DCP1B: variants seen among roughly 807,000 people sequenced by gnomAD.
The protein encoded by DCP1B is mRNA-decapping enzyme 1B.
A neutral mutation model predicts 60.5 loss-of-function variants in DCP1B; 47 were observed. The ratio of observed to expected loss-of-function variants is 0.78; its 90% CI spans 0.61 to 0.99. The LOEUF (loss-of-function observed/expected upper bound fraction) is 0.99, where lower values mean the gene tolerates loss of function less well. Ranked by LOEUF, DCP1B falls within the 50% of genes least tolerant of loss-of-function variation. The pLI, the probability that DCP1B is intolerant of heterozygous loss-of-function variation, is 0.00. For synonymous variants in DCP1B, 267 were observed against 280.3 expected (o/e 0.95, Z 0.47); for missense variants, 725 against 756.8 (o/e 0.96, Z 0.49).
At chr12:1,983,844 A>T (rs756514025) in intron 3 of DCP1B, among the ~76,000 whole-genome samples, 4 of 145,732 alleles carry the variant, frequency 2.7e-5, no homozygotes, top group African/African-American at 5.3e-5. Context: ...CTGCAGAATT[A>T]AAAAAAAAAC....
intron 1 of DCP1B, among the ~76,000 whole-genome samples, chr12:2,001,222 T>C (rs2042135587): frequency 1.3e-5 from 2 of 152,144 alleles, no homozygotes; most frequent in Admixed American, 6.5e-5. Context: ...CAACCAGATT[T>C]TTTTTTTCTT....
chr12:1,971,121 T>C lies in DCP1B; in HGVS notation c.320-3211A>G, dbSNP rs753529892. ...GCATACCAGCCGCTTCCCAGCCACC[T>C]GTCTGCCAACACGGAGGTCAAGTTT... On this transcript the variant is annotated intron_variant, in intron 3 of 8. Coordinates refer to ENST00000280665, the MANE Select transcript of DCP1B (RefSeq NM_152640.5). The surrounding 1 kb of genome is among the most constrained non-coding windows in gnomAD (Gnocchi z 4.2). 1 of 1,289,432 alleles carries C rather than the reference T, an allele frequency of 7.8e-7. No individual in the cohort carries two copies. The highest frequency in any genetic ancestry group is 1.5e-5 in the African/African-American group (1 of 65,864). The allele number at this position is 1,289,432 out of a possible 1,614,324, so 79.9% of individuals were successfully genotyped here.
intron 6 of DCP1B, 51 bp downstream of exon 6, chr12:1,955,381 C>A: frequency 6.4e-7 from 1 of 1,566,478 alleles, no homozygotes; most frequent in South Asian, 1.2e-5. Flanking sequence ...GGTCAAAGTT[C>A]TTTAAGAATT....
intron 1 of DCP1B, among the ~76,000 whole-genome samples, chr12:2,002,307 C>CA (rs1565888801): frequency 6.6e-6 from 1 of 152,196 alleles, no homozygotes; most frequent in African/African-American, 2.4e-5. Context: ...AGTGACAGCA[C>CA]ATGGAGACAG....
intron 7 of DCP1B, among the ~76,000 whole-genome samples, chr12:1,951,992 G>T (rs1476279784): frequency 6.6e-6 from 1 of 152,180 alleles, no homozygotes; most frequent in Non-Finnish European, 1.5e-5. Flanking sequence ...CAAAAAGGTT[G>T]GGGGAAGTTC....
intron 3 of DCP1B, among the ~76,000 whole-genome samples, chr12:1,976,698 G>A (rs2034472524): frequency 6.6e-6 from 1 of 152,126 alleles, no homozygotes; most frequent in African/African-American, 2.4e-5. Context: ...ACCCTAGAGA[G>A]CTTTAGGGGT....
intron 3 of DCP1B, among the ~76,000 whole-genome samples, chr12:1,987,294 C>A (rs1284028653): frequency 3.3e-5 from 5 of 152,198 alleles, no homozygotes; most frequent in Admixed American, 2.0e-4. Context: ...CATTATAATA[C>A]TAGTATGCTA....
chr12:1,990,361 C>T (rs1297979230), intron 3 of DCP1B, among the ~76,000 whole-genome samples: 1 of 152,156 alleles, frequency 6.6e-6, no homozygotes, highest in East Asian at 1.9e-4. Flanking sequence ...CCCATTTTAA[C>T]AATGTTTAAA....
rs758421658 is a variant in DCP1B, at chr12:1,949,077, C to G, written c.1773+9G>C. 1 of 1,608,184 alleles carries G rather than the reference C, an allele frequency of 6.2e-7. No homozygotes were observed. The highest frequency in any genetic ancestry group is 8.5e-7 in the Non-Finnish European group (1 of 1,175,086). ...GTCAGGTGCGAAGGGAGATGACGTGCTTGCTTACCTGAATGAGGTACAGCA... is the reference window on the plus strand; with the variant it reads ...GTCAGGTGCGAAGGGAGATGACGTGGTTGCTTACCTGAATGAGGTACAGCA... On this transcript the variant is annotated intron_variant, in intron 8 of 8. Transcript: ENST00000280665.
At chr12:1,950,171 T>C (rs112215626) in intron 7 of DCP1B, 19,873 of 585,326 alleles carry the variant, frequency 0.034, 476 homozygotes, top group Middle Eastern at 0.077. Context: ...GAAGTTGCTG[T>C]AATTTTATAA....
intron 3 of DCP1B, chr12:1,991,213 G>T (rs2039333040): frequency 2.2e-6 from 1 of 455,994 alleles, no homozygotes; most frequent in Admixed American, 2.3e-5. Flanking sequence ...TTTTTACACA[G>T]TCTGCCTCCT....
intron 3 of DCP1B, among the ~76,000 whole-genome samples, chr12:1,980,645 G>A (rs116329157): frequency 2.7e-3 from 402 of 148,448 alleles, no homozygotes; most frequent in African/African-American, 9.5e-3. Flanking sequence ...GCTTATAAGT[G>A]TCATTTTAAA....
rs148356523 is a variant in DCP1B at position 1,965,656 on chromosome 12, T to C, written c.424A>G (p.Thr142Ala). The C allele has an allele frequency of 6.2e-4, 1,005 of 1,613,990 alleles. 3 individuals carry two copies. Among genetic ancestry groups the C allele is most frequent in the Middle Eastern group, 8.3e-4 (5 of 6,060 alleles). Reference protein sequence around the residue: ...QYEQLKAHQGTGAGISPVILN... With the variant: ...QYEQLKAHQGAGAGISPVILN... ...ATCACTGGGGAAATTCCTGCTCCAG[T>C]TCCCTGATGGGCTTTCAACTGTTCA... Residue 142 changes from threonine (T) to alanine (A), a missense_variant, in exon 5 of 9, where the codon ACT becomes GCT. Physicochemically the swap from Thr to Ala is moderately conservative, Grantham distance 58. Transcript: ENST00000280665.
chr12:1,984,465 C>T lies in DCP1B; in HGVS notation c.319+8799G>A, dbSNP rs2154468678. Among the ~76,000 whole-genome samples the T allele has an allele frequency of 2.0e-5, 3 of 151,718 alleles. 1 individual carries two copies. The South Asian group carries it at 6.2e-4, about 32-fold the overall frequency. ...TCTATACTTAGAGTTTTTCTTTTACCACTTCAAACAGAATGTAAAGGCTCT... is the reference window on the plus strand; with the variant it reads ...TCTATACTTAGAGTTTTTCTTTTACTACTTCAAACAGAATGTAAAGGCTCT... On this transcript the variant is annotated intron_variant, in intron 3 of 8. Coordinates refer to ENST00000280665, the MANE Select transcript of DCP1B (RefSeq NM_152640.5).
In DCP1B at chr12:1,948,649, GCTT is replaced by G. The variant is rs2030535153; in HGVS notation, c.1773+434_1773+436del. ...CCTGTAGCAGCCATGGCCATTATTT[GCTT>G]CCCTCCCTGTTTTCCACTCGCTCAG... On this transcript the variant is annotated intron_variant, in intron 8 of 8. Transcript: ENST00000280665. This position sits in a 1 kb window ranked among gnomAD's most constrained non-coding sequence, Gnocchi z 4.8. Among the ~76,000 whole-genome samples, 3 of 152,250 alleles carry G rather than the reference GCTT, an allele frequency of 2.0e-5. No homozygotes were observed. Among genetic ancestry groups the G allele is most frequent in the African/African-American group, 7.2e-5 (3 of 41,538 alleles).
intron 7 of DCP1B, 143 bp from the exon 8 acceptor site, chr12:1,949,477 G>A (rs1452329210): frequency 1.8e-6 from 2 of 1,108,756 alleles, no homozygotes; most frequent in Admixed American, 4.7e-5. Context: ...ACTGATTCTT[G>A]CTCCACTGCT....
At chr12:1,958,213 A>G (rs1252693130) in intron 5 of DCP1B, among the ~76,000 whole-genome samples, 9 of 129,902 alleles carry the variant, frequency 6.9e-5, no homozygotes, top group South Asian at 2.6e-4. Flanking sequence ...CTGGGCAATG[A>G]CTTTTTCTAT....
intron 8 of DCP1B, among the ~76,000 whole-genome samples, chr12:1,947,420 T>C (rs1159473938): frequency 6.6e-6 from 1 of 152,180 alleles, no homozygotes; most frequent in Non-Finnish European, 1.5e-5. Flanking sequence ...GATTGTGTCC[T>C]AACAAGAGGC....
At chr12:1,946,395 C>G (rs1304114100) in intron 8 of DCP1B, 109 bp from the exon 9 acceptor site, 1 of 742,746 alleles carries the variant, frequency 1.3e-6, no homozygotes, top group East Asian at 3.0e-5. Context: ...ACACTCATCT[C>G]TCCCTGTCTA....
Sources: gnomAD v4.1 joint callset for allele counts (sites outside exome capture counted in the v4.1 genomes callset) on GRCh38, gnomAD v4.1.1 for gene constraint, Gnocchi (gnomAD v3.1) non-coding constraint, MANE v1.5 for transcripts, NCBI Gene and HGNC (gene_info 2026-07-23, HGNC 2026-07-21) for gene names.